The following SORBS2 variants were observed in gnomAD, a reference collection of about 807,000 sequenced individuals.
SORBS2 encodes sorbin and SH3 domain-containing protein 2.
In SORBS2, 46 loss-of-function variants were observed where a neutral mutation model predicts 97.7. The observed-to-expected ratio is 0.47, with a 90% confidence interval of 0.37 to 0.60. The LOEUF (loss-of-function observed/expected upper bound fraction) is 0.60, where lower values mean the gene tolerates loss of function less well. Ranked by LOEUF, SORBS2 falls within the 20% of genes least tolerant of loss-of-function variation. The probability of loss-of-function intolerance (pLI) is 0.00; values close to 1 mark genes in which losing one functional copy is unlikely to be tolerated. For synonymous variants in SORBS2, 476 were observed against 473.4 expected, an observed-to-expected ratio of 1.01 and a Z score of -0.07; for missense variants, 1,316 against 1,282.3, an observed-to-expected ratio of 1.03 and a Z score of -0.40.
At chr4:185,651,693 T>C (rs926693042) in intron 2 of SORBS2, 91 bp downstream of exon 11, 44 of 787,598 alleles carry the variant, frequency 5.6e-5, no homozygotes, top group African/African-American at 3.4e-5. Context: ...AAACATGTGC[T>C]CAAACAGAAG....
chr4:185,681,279 T>C (rs559804001), intron 2 of SORBS2, among the ~76,000 whole-genome samples: 11 of 152,264 alleles, frequency 7.2e-5, no homozygotes, highest in East Asian at 5.8e-4. Context: ...GGACACTTTT[T>C]AGCATAGCCC....
At chr4:185,935,356 A>C (rs1275573307) in intron 1 of SORBS2, among the ~76,000 whole-genome samples, 1 of 152,234 alleles carries the variant, frequency 6.6e-6, no homozygotes, top group Non-Finnish European at 1.5e-5. Flanking sequence ...TGTAACAAGA[A>C]ACTCAAAACT....
chr4:185,678,341 G>T (rs1160492536), intron 4 of SORBS2, 82 bp downstream of exon 7: 3 of 1,121,790 alleles, frequency 2.7e-6, no homozygotes, highest in African/African-American at 3.2e-5. Flanking sequence ...ATTGAAATAC[G>T]CACATTAGGA....
intron 1 of SORBS2, among the ~76,000 whole-genome samples, chr4:185,824,776 G>A (rs1180537306): frequency 6.6e-6 from 1 of 152,144 alleles, no homozygotes; most frequent in Non-Finnish European, 1.5e-5. Context: ...AACAAAAAGG[G>A]ATAGGTGTGA....
chr4:185,604,268 G>A (rs537063806), intron 12 of SORBS2, among the ~76,000 whole-genome samples: 3 of 152,276 alleles, frequency 2.0e-5, no homozygotes, highest in African/African-American at 4.8e-5. Context: ...GTGAGAGGGC[G>A]CAAATCTGAA....
intron 1 of SORBS2, among the ~76,000 whole-genome samples, chr4:185,777,407 T>G (rs1204640190): frequency 6.6e-6 from 1 of 151,856 alleles, no homozygotes; most frequent in Non-Finnish European, 1.5e-5. Context: ...GACAGACACA[T>G]TTTTTAATTG....
chr4:185,652,256 T>C (rs2097328134), intron 2 of SORBS2, among the ~76,000 whole-genome samples: 1 of 152,208 alleles, frequency 6.6e-6, no homozygotes, highest in African/African-American at 2.4e-5. Flanking sequence ...GCAAATTTCC[T>C]TTACTAAGTG....
chr4:185,760,045 A>G (rs979802192), intron 2 of SORBS2, among the ~76,000 whole-genome samples: 9 of 152,330 alleles, frequency 5.9e-5, no homozygotes, highest in African/African-American at 2.2e-4. Context: ...AGGATAGCCC[A>G]GCTTAGGGGA....
chr4:185,627,036 G>A lies in SORBS2; in HGVS notation c.447-17C>T. ...CTTGCAGAACTGAAAGAAGGAATCAGATCTGTTTGATTGGCACTGGAGGAG... is the reference window on the plus strand; with the variant it reads ...CTTGCAGAACTGAAAGAAGGAATCAAATCTGTTTGATTGGCACTGGAGGAG... On this transcript the variant is annotated splice_polypyrimidine_tract_variant and intron_variant, in intron 5 of 14. Coordinates refer to ENST00000418609, the Ensembl canonical transcript of SORBS2. 1 of 1,612,658 alleles carries A rather than the reference G, an allele frequency of 6.2e-7. No individual in the cohort carries two copies. The highest frequency in any genetic ancestry group is 1.1e-5 in the South Asian group (1 of 91,028).
At chr4:185,729,791 A>G (rs2098599738) in intron 2 of SORBS2, among the ~76,000 whole-genome samples, 1 of 152,224 alleles carries the variant, frequency 6.6e-6, no homozygotes, top group Non-Finnish European at 1.5e-5. Context: ...AGTACAACTT[A>G]TGTAATTTTT....
At chr4:185,858,221 T>C (rs550953262) in intron 1 of SORBS2, among the ~76,000 whole-genome samples, 12 of 152,288 alleles carry the variant, frequency 7.9e-5, no homozygotes, top group South Asian at 6.2e-4. Flanking sequence ...CGTTGAAATA[T>C]TGGGGGCTGG....
At chr4:185,955,553 G>T (rs762109923) in intron 1 of SORBS2, among the ~76,000 whole-genome samples, 1 of 152,166 alleles carries the variant, frequency 6.6e-6, no homozygotes, top group Non-Finnish European at 1.5e-5. Flanking sequence ...TGGGTCTTTT[G>T]TTACTCTAAC....
chr4:185,761,889 G>A (rs1280746111), intron 2 of SORBS2, among the ~76,000 whole-genome samples: 3 of 152,172 alleles, frequency 2.0e-5, no homozygotes, highest in Non-Finnish European at 4.4e-5. Context: ...GGTTGACACA[G>A]TTATCTTTCC....
chr4:185,648,670 T>C (rs895718751), intron 3 of SORBS2, among the ~76,000 whole-genome samples: 1 of 152,188 alleles, frequency 6.6e-6, no homozygotes, highest in Non-Finnish European at 1.5e-5. Context: ...TAGGATAGCA[T>C]AGGCCTTGGG....
chr4:185,777,417 G>GT lies in SORBS2; in HGVS notation c.-337-2052dup, dbSNP rs140178684. On this transcript the variant is annotated intron_variant, in intron 1 of 20. Coordinates refer to the SORBS2 transcript ENST00000284776. ...CTGCAGACAGACACATTTTTTAATT[G>GT]TTTTTTTCTTTTTCCTCCTTATAAT... 3.8e-3 allele frequency among the ~76,000 whole-genome samples: 585 copies of GT among 152,106 alleles called. 3 individuals carry two copies. The highest frequency in any genetic ancestry group is 0.012 in the African/African-American group (497 of 41,512).
intron 1 of SORBS2, among the ~76,000 whole-genome samples, chr4:185,886,579 G>GAAAAAAAAAAGA (rs1203231008): frequency 2.3e-5 from 3 of 127,910 alleles, no homozygotes; most frequent in Non-Finnish European, 5.0e-5. Context: ...AAAAAGAAAA[G>GAAAAAAAAAAGA]AAAAAAAAAA....
chr4:185,689,978 G>A (rs1052698790), intron 2 of SORBS2, among the ~76,000 whole-genome samples: 3 of 152,166 alleles, frequency 2.0e-5, no homozygotes, highest in African/African-American at 7.2e-5. Context: ...AAGTTCATAT[G>A]TACAAAGCAT....
At chr4:185,657,329 T>C, upstream of SORBS2, 1 of 1,184,074 alleles carries the variant, frequency 8.4e-7, no homozygotes, top group South Asian at 2.0e-5. Flanking sequence ...ATCCTCCTTA[T>C]ATAAGACCCT....
chr4:185,659,019 T>C (rs180702923), upstream of SORBS2, among the ~76,000 whole-genome samples: 544 of 152,212 alleles, frequency 3.6e-3, 2 homozygotes, highest in African/African-American at 0.012. Context: ...AGGAAGCTTT[T>C]TAAGAAATTT....
Sources: gnomAD v4.1 joint callset for allele counts (sites outside exome capture counted in the v4.1 genomes callset) on GRCh38, gnomAD v4.1.1 for gene constraint, MANE v1.5 for transcripts, NCBI Gene and HGNC (gene_info 2026-07-23, HGNC 2026-07-21) for gene names.